The following SYT17 variants were observed in gnomAD, a reference collection of about 807,000 sequenced individuals.
SYT17 encodes synaptotagmin 17.
In SYT17, 22 loss-of-function variants were observed where a neutral mutation model predicts 46.7. The ratio of observed to expected loss-of-function variants is 0.47; its 90% CI spans 0.34 to 0.67. SYT17 has a LOEUF of 0.67. Ranked by LOEUF, SYT17 falls within the 30% of genes least tolerant of loss-of-function variation. The pLI is 0.01. For synonymous variants in SYT17, 251 were observed against 248.4 expected (o/e 1.01, Z -0.10); for missense variants, 519 against 612.8 (o/e 0.85, Z 1.62).
At chr16:19,175,566 G>A (rs532989862) in intron 3 of SYT17, among the ~76,000 whole-genome samples, 1 of 141,648 alleles carries the variant, frequency 7.1e-6, no homozygotes, top group Non-Finnish European at 1.5e-5. Context: ...TGGAAGGATC[G>A]TTTGAGCCTG....
intron 5 of SYT17, among the ~76,000 whole-genome samples, chr16:19,199,925 A>G (rs1965396307): frequency 6.6e-6 from 1 of 152,258 alleles, no homozygotes; most frequent in African/African-American, 2.4e-5. Flanking sequence ...CTTCACATAT[A>G]TTAACCCATT....
intron 7 of SYT17, among the ~76,000 whole-genome samples, chr16:19,230,040 A>T (rs1966624565): frequency 6.6e-6 from 1 of 152,224 alleles, no homozygotes. Flanking sequence ...AATAGAGATT[A>T]TCAGGGGCTG....
At chr16:19,172,526 T>C in intron 1 of SYT17, 1 of 1,495,884 alleles carries the variant, frequency 6.7e-7, no homozygotes, top group African/African-American at 1.4e-5. Context: ...CCCATTTATT[T>C]GGTGTTGGTT....
chr16:19,257,444 G>A (rs1020663638), intron 7 of SYT17, among the ~76,000 whole-genome samples: 1 of 150,408 alleles, frequency 6.6e-6, no homozygotes, highest in Admixed American at 6.6e-5. Context: ...GTTTCTGAAA[G>A]AAGAAAAAAA....
chr16:19,209,745 G>C (rs535045682), intron 5 of SYT17, among the ~76,000 whole-genome samples: 2 of 152,124 alleles, frequency 1.3e-5, no homozygotes, highest in Admixed American at 6.5e-5. Context: ...GGGCGTGGTG[G>C]TGGGCGCCTG....
At chr16:19,204,220 G>A (rs779476469) in intron 5 of SYT17, among the ~76,000 whole-genome samples, 6 of 152,040 alleles carry the variant, frequency 3.9e-5, no homozygotes, top group Admixed American at 6.5e-5. Flanking sequence ...CCCTCTCCCC[G>A]ACTTGTCACC....
chr16:19,263,230 T>A (rs75774303), intron 7 of SYT17, among the ~76,000 whole-genome samples: 3,926 of 152,216 alleles, frequency 0.026, 147 homozygotes, highest in African/African-American at 0.089. Context: ...CAATTAGCTA[T>A]CACACCCCAT....
intron 7 of SYT17, among the ~76,000 whole-genome samples, chr16:19,252,470 CATAT>C (rs1225454065): frequency 2.7e-4 from 1 of 3,752 alleles, no homozygotes; most frequent in Non-Finnish European, 3.9e-4. Context: ...TATATATATA[CATAT>C]ATATATACAT....
chr16:19,240,941 CTTTTTTT>C (rs970503158), intron 7 of SYT17, among the ~76,000 whole-genome samples: 12 of 98,788 alleles, frequency 1.2e-4, no homozygotes, highest in South Asian at 3.2e-4. Context: ...AGGCTCAGTT[CTTTTTTT>C]TTTTTTTTTT....
chr16:19,201,425 C>G (rs1338918037), intron 5 of SYT17, among the ~76,000 whole-genome samples: 1 of 152,122 alleles, frequency 6.6e-6, no homozygotes, highest in Non-Finnish European at 1.5e-5. Context: ...TTATCAGAAT[C>G]AATGACCACC....
rs1305664189 is a variant in SYT17 at position 19,168,242 on chromosome 16, G to T, written c.-405G>T. The T allele has an allele frequency of 1.3e-5, 2 of 158,802 alleles. No individual in the cohort carries two copies. The highest frequency in any genetic ancestry group is 5.1e-5 in the African/African-American group (2 of 38,978). 9.8% of individuals were successfully genotyped at this position (158,802 alleles called of 1,614,324 possible). A position where few individuals can be genotyped will look rare whatever the true frequency, so the allele number is the denominator to read the frequency against. ...CCATCCCCTCCCCCGCCTCCTGCGC[G>T]CTCCGGCCCCGGCGTCTCCGGCCCC... On this transcript the variant is annotated 5_prime_UTR_variant, in exon 1 of 8. Transcript: ENST00000355377. The surrounding 1 kb of genome is among the most constrained non-coding windows in gnomAD (Gnocchi z 6.9).
intron 7 of SYT17, among the ~76,000 whole-genome samples, chr16:19,266,300 G>A (rs781109993): frequency 3.5e-4 from 54 of 152,348 alleles, no homozygotes; most frequent in African/African-American, 1.1e-3. Flanking sequence ...GGCCATGTCC[G>A]AAGACATTTG....
At chr16:19,193,628 C>A (rs1212873391) in intron 5 of SYT17, among the ~76,000 whole-genome samples, 1 of 152,132 alleles carries the variant, frequency 6.6e-6, no homozygotes, top group Non-Finnish European at 1.5e-5. Flanking sequence ...CCTCTAAAGA[C>A]AAAGATTTGA....
chr16:19,188,957 G>A (rs1964900403), intron 5 of SYT17, among the ~76,000 whole-genome samples: 1 of 152,142 alleles, frequency 6.6e-6, no homozygotes, highest in Admixed American at 6.5e-5. Flanking sequence ...TGCGATCTCG[G>A]TTCACTGCAA....
intron 7 of SYT17, among the ~76,000 whole-genome samples, chr16:19,234,486 G>A (rs1966815169): frequency 6.6e-6 from 1 of 151,970 alleles, no homozygotes; most frequent in Admixed American, 6.6e-5. Flanking sequence ...CTCTAATGCT[G>A]AAAATCTCAC....
At chr16:19,230,437 T>G (rs530793167) in intron 7 of SYT17, among the ~76,000 whole-genome samples, 1 of 152,018 alleles carries the variant, frequency 6.6e-6, no homozygotes, top group Non-Finnish European at 1.5e-5. Flanking sequence ...GATGGATGGT[T>G]GTGATGGTTA....
intron 6 of SYT17, 120 bp downstream of exon 6, chr16:19,223,285 TA>T: frequency 1.6e-6 from 2 of 1,247,788 alleles, no homozygotes; most frequent in Non-Finnish European, 2.2e-6. Flanking sequence ...ATGAGGCAGG[TA>T]AATGATGCCA....
intron 7 of SYT17, among the ~76,000 whole-genome samples, chr16:19,235,578 G>A (rs1248939944): frequency 2.0e-5 from 3 of 152,208 alleles, no homozygotes; most frequent in Non-Finnish European, 4.4e-5. Flanking sequence ...CAAATTCTTA[G>A]AGAAAGTGTA....
At chr16:19,190,124 A>G (rs1964953552) in intron 5 of SYT17, among the ~76,000 whole-genome samples, 1 of 152,226 alleles carries the variant, frequency 6.6e-6, no homozygotes, top group East Asian at 1.9e-4. Context: ...TGCTCATTGG[A>G]ATGGATTGAA....
Sources: gnomAD v4.1 joint callset for allele counts (sites outside exome capture counted in the v4.1 genomes callset) on GRCh38, gnomAD v4.1.1 for gene constraint, Gnocchi (gnomAD v3.1) non-coding constraint, MANE v1.5 for transcripts, NCBI Gene and HGNC (gene_info 2026-07-23, HGNC 2026-07-21) for gene names.